Variants in UNC5B observed in about 807,000 individuals in gnomAD.
The protein encoded by UNC5B is netrin receptor UNC5B.
A neutral mutation model predicts 103.7 loss-of-function variants in UNC5B; 56 were observed. The ratio of observed to expected loss-of-function variants is 0.54; its 90% CI spans 0.44 to 0.67. UNC5B has a LOEUF of 0.67. Among genes scored for constraint, UNC5B ranks in the 30% least tolerant of loss-of-function variants. The pLI is 0.00. For missense variants in UNC5B, 1,194 were observed against 1,284.5 expected (o/e 0.93, Z 1.08); for synonymous variants, 577 against 542.0 (o/e 1.06, Z -0.90).
intron 1 of UNC5B, among the ~76,000 whole-genome samples, chr10:71,218,925 A>G (rs1843395128): frequency 6.6e-6 from 1 of 152,120 alleles, no homozygotes; most frequent in Non-Finnish European, 1.5e-5. Flanking sequence ...GTAGCAATTT[A>G]AAGAGGACAG....
At position 71,292,517 on chromosome 10, in the gene UNC5B, G is replaced by A. The variant is rs756568480; in HGVS notation, c.1735G>A (p.Glu579Lys). Residue 579 changes from glutamate (E) to lysine (K), a missense_variant, in exon 11 of 17, where the codon GAG becomes AAG. Glu to Lys is a moderately conservative substitution (Grantham distance 56, BLOSUM62 1). Coordinates refer to ENST00000335350, the MANE Select transcript of UNC5B (RefSeq NM_170744.5). ...NGAIPQGKFY[E>K]MYLLINKAES... ...AGCCATTCCCCAGGGCAAGTTCTAC[G>A]AGATGTATCTACTCATCAACAAGGC... 54 of 1,606,048 alleles carry A rather than the reference G, an allele frequency of 3.4e-5. No individual in the cohort carries two copies. Among genetic ancestry groups the A allele is most frequent in the Admixed American group, 5.1e-5 (3 of 59,002 alleles).
At chr10:71,240,608 C>T (rs1843876964) in intron 1 of UNC5B, among the ~76,000 whole-genome samples, 1 of 152,224 alleles carries the variant, frequency 6.6e-6, no homozygotes, top group Non-Finnish European at 1.5e-5. Context: ...AGGGTCACGG[C>T]TGAGCAGAGG....
At chr10:71,274,451 C>T (rs1325519506) in intron 1 of UNC5B, among the ~76,000 whole-genome samples, 1 of 152,164 alleles carries the variant, frequency 6.6e-6, no homozygotes, top group African/African-American at 2.4e-5. Context: ...GCTTTTCTAA[C>T]TATTAGGTCT....
intron 1 of UNC5B, among the ~76,000 whole-genome samples, chr10:71,261,050 C>A (rs1300243698): frequency 3.9e-5 from 6 of 152,168 alleles, no homozygotes; most frequent in South Asian, 2.1e-4. Flanking sequence ...GAGGATGGGA[C>A]CTTGAGTCCC....
Position 71,299,461 on chromosome 10 carries a change from G to A in UNC5B, c.*184G>A. On this transcript the variant is annotated 3_prime_UTR_variant, in exon 17 of 17. Coordinates refer to ENST00000335350, the MANE Select transcript of UNC5B (RefSeq NM_170744.5). Reference sequence around the variant, plus strand: ...CCTTAGAAAATCCATGTACTCTGTTGTTAGAGGGCCCAGAGTTCCTTCTCC... The same window carrying A: ...CCTTAGAAAATCCATGTACTCTGTTATTAGAGGGCCCAGAGTTCCTTCTCC... The A allele has an allele frequency of 5.9e-6, 4 of 680,622 alleles. No homozygotes were observed. The highest frequency in any genetic ancestry group is 7.2e-6 in the Non-Finnish European group (3 of 415,020). The allele number at this position is 680,622 out of a possible 1,614,324, so 42.2% of individuals were successfully genotyped here.
At chr10:71,245,668 T>A (rs1043391524) in intron 1 of UNC5B, among the ~76,000 whole-genome samples, 1 of 152,214 alleles carries the variant, frequency 6.6e-6, no homozygotes, top group African/African-American at 2.4e-5. Flanking sequence ...ACATGGCCAC[T>A]AGGTTTGGGC....
chr10:71,298,307 C>T (rs1845496829), intron 16 of UNC5B, among the ~76,000 whole-genome samples: 1 of 152,204 alleles, frequency 6.6e-6, no homozygotes, highest in South Asian at 2.1e-4. Flanking sequence ...GGTCCTTGAG[C>T]CAGGCAGACT....
chr10:71,270,322 C>T (rs1428877416), intron 1 of UNC5B, among the ~76,000 whole-genome samples: 2 of 118,148 alleles, frequency 1.7e-5, no homozygotes, highest in African/African-American at 6.4e-5. Flanking sequence ...GCCTGGGTGA[C>T]AGAATGAGAC....
intron 1 of UNC5B, among the ~76,000 whole-genome samples, chr10:71,223,781 C>T (rs1448078722): frequency 7.2e-6 from 1 of 139,768 alleles, no homozygotes; most frequent in Non-Finnish European, 1.7e-5. Context: ...CTTCTTGTGG[C>T]TCAAGAGAAT....
At chr10:71,287,205 C>G (rs964705906) in intron 5 of UNC5B, among the ~76,000 whole-genome samples, 1 of 152,202 alleles carries the variant, frequency 6.6e-6, no homozygotes, top group South Asian at 2.1e-4. Flanking sequence ...CTCTGCTGCC[C>G]CCTTGGGCCC....
intron 1 of UNC5B, among the ~76,000 whole-genome samples, chr10:71,228,031 T>G (rs1843609447): frequency 6.6e-6 from 1 of 152,154 alleles, no homozygotes; most frequent in African/African-American, 2.4e-5. Context: ...CCAAAGATAA[T>G]AGTAAGTTCA....
chr10:71,230,265 G>T (rs576953889), intron 1 of UNC5B, among the ~76,000 whole-genome samples: 2 of 152,260 alleles, frequency 1.3e-5, no homozygotes, highest in South Asian at 4.1e-4. Flanking sequence ...GAGGAGGGGT[G>T]CAGGCCTGTT....
chr10:71,246,542 G>A (rs1844042319), intron 1 of UNC5B, among the ~76,000 whole-genome samples: 1 of 152,094 alleles, frequency 6.6e-6, no homozygotes, highest in Non-Finnish European at 1.5e-5. Context: ...AACAATCAGT[G>A]GGTACAGGAT....
At chr10:71,278,295 A>G (rs760439020) in intron 1 of UNC5B, among the ~76,000 whole-genome samples, 1 of 152,198 alleles carries the variant, frequency 6.6e-6, no homozygotes, top group Non-Finnish European at 1.5e-5. Context: ...GTGTTCATGC[A>G]TGTTTGTCTC....
At chr10:71,224,656 TC>T (rs1843525296) in intron 1 of UNC5B, among the ~76,000 whole-genome samples, 2 of 152,106 alleles carry the variant, frequency 1.3e-5, no homozygotes, top group African/African-American at 4.8e-5. Context: ...TTCATGAGCC[TC>T]CATCTCCTCA....
chr10:71,231,770 T>C (rs796701836), intron 1 of UNC5B, among the ~76,000 whole-genome samples: 5 of 152,166 alleles, frequency 3.3e-5, no homozygotes, highest in African/African-American at 1.2e-4. Context: ...GGCACACTTA[T>C]GTTAAAAAGA....
intron 1 of UNC5B, among the ~76,000 whole-genome samples, chr10:71,224,923 A>G (rs1337382112): frequency 6.6e-6 from 1 of 152,226 alleles, no homozygotes; most frequent in East Asian, 1.9e-4. Flanking sequence ...GATACCTTCC[A>G]GCCTTCAAAG....
rs115883185 is a variant in UNC5B, at chr10:71,288,666, G to A, written c.1000G>A (p.Gly334Arg). ...GTGCATGGCGCCCCCACCCCAGAAC[G>A]GAGGCCGTGACTGCAGCGGGACGCT... ...RECMAPPPQN[G>R]GRDCSGTLLD... The change falls in exon 7 of 17, where the codon GGA becomes AGA. Residue 334 changes from glycine (G) to arginine (R), a missense_variant. Physicochemically the swap from Gly to Arg is moderately radical, Grantham distance 125. Transcript: ENST00000335350. The A allele has an allele frequency of 7.6e-5, 122 of 1,613,804 alleles. 1 individual carries two copies. The African/African-American group carries it at 1.2e-3, about 16-fold the overall frequency.
chr10:71,269,033 G>A (rs975371547), intron 1 of UNC5B, among the ~76,000 whole-genome samples: 4 of 152,196 alleles, frequency 2.6e-5, no homozygotes, highest in African/African-American at 9.7e-5. Flanking sequence ...GGGGCTGGTG[G>A]GGGGAGACAG....
Sources: gnomAD v4.1 joint callset for allele counts (sites outside exome capture counted in the v4.1 genomes callset) on GRCh38, gnomAD v4.1.1 for gene constraint, MANE v1.5 for transcripts, NCBI Gene and HGNC (gene_info 2026-07-23, HGNC 2026-07-21) for gene names.